Variants in PAIP2B observed in about 807,000 individuals in gnomAD.
The protein encoded by PAIP2B is poly(A) binding protein interacting protein 2B.
In PAIP2B, 13 loss-of-function variants were observed where a neutral mutation model predicts 17.0. That is an observed-to-expected ratio of 0.76 (90% CI 0.50 to 1.22). PAIP2B has a LOEUF of 1.22. Among genes scored for constraint, PAIP2B ranks in the 50% most tolerant of loss-of-function variants. The pLI is 0.00. For missense variants in PAIP2B, 117 were observed against 144.5 expected (o/e 0.81, Z 0.98); for synonymous variants, 43 against 48.7 (o/e 0.88, Z 0.48).
Position 71,186,874 on chromosome 2 carries a change from T to C in PAIP2B, c.*1605A>G, listed in dbSNP as rs1204321390. ...GACTCAAATAGGAAAAAATGTGTAT[T>C]TTAAATCTGGCATTAGCTTATCACT... On this transcript the variant is annotated 3_prime_UTR_variant, in exon 4 of 4. Coordinates refer to ENST00000244221, the MANE Select transcript of PAIP2B (RefSeq NM_020459.1). 6.6e-6 allele frequency: 1 copy of C among 152,204 alleles called. No individual in the cohort carries two copies. Among genetic ancestry groups the C allele is most frequent in the Non-Finnish European group, 1.5e-5 (1 of 68,034 alleles). The allele number at this position is 152,204 out of a possible 1,614,324, so 9.4% of individuals were successfully genotyped here.
chr2:71,209,648 G>A (rs149336405), intron 1 of PAIP2B, among the ~76,000 whole-genome samples: 1 of 152,170 alleles, frequency 6.6e-6, no homozygotes, highest in East Asian at 1.9e-4. Flanking sequence ...GTGTAAGTTG[G>A]CCTGCCCAGA....
intron 3 of PAIP2B, 93 bp from the exon 4 acceptor site, chr2:71,188,628 T>C (rs1164102514): frequency 5.6e-6 from 6 of 1,071,446 alleles, no homozygotes; most frequent in Non-Finnish European, 8.3e-6. Context: ...CCCTTAGCTT[T>C]AGGGAGAGAA....
At chr2:71,208,061 T>C (rs1486972615) in intron 1 of PAIP2B, among the ~76,000 whole-genome samples, 2 of 152,010 alleles carry the variant, frequency 1.3e-5, no homozygotes, top group Non-Finnish European at 2.9e-5. Flanking sequence ...ATACTGCCTA[T>C]GGAGAAAATG....
chr2:71,196,053 C>T (rs187468813), intron 2 of PAIP2B, among the ~76,000 whole-genome samples: 68 of 152,196 alleles, frequency 4.5e-4, no homozygotes, highest in African/African-American at 1.5e-3. Flanking sequence ...TCGTCTTCTG[C>T]TAGCTTTGGG....
chr2:71,206,910 A>G (rs1675146198), intron 1 of PAIP2B, among the ~76,000 whole-genome samples: 1 of 152,252 alleles, frequency 6.6e-6, no homozygotes, highest in African/African-American at 2.4e-5. Flanking sequence ...AATATGGTGG[A>G]TGACAGCTTT....
At chr2:71,218,502 T>C (rs1208564165) in intron 1 of PAIP2B, among the ~76,000 whole-genome samples, 2 of 152,072 alleles carry the variant, frequency 1.3e-5, no homozygotes, top group African/African-American at 2.4e-5. Flanking sequence ...AGATGACAAA[T>C]GGAAGGGCGA....
At chr2:71,189,800 T>G in intron 3 of PAIP2B, 45 bp downstream of exon 3, 1 of 1,487,016 alleles carries the variant, frequency 6.7e-7, no homozygotes, top group South Asian at 1.3e-5. Context: ...CCAAATCCTA[T>G]ATTCTTTTCA....
Sources: gnomAD v4.1 joint callset for allele counts (sites outside exome capture counted in the v4.1 genomes callset) on GRCh38, gnomAD v4.1.1 for gene constraint, MANE v1.5 for transcripts, NCBI Gene and HGNC (gene_info 2026-07-23, HGNC 2026-07-21) for gene names.